The following SEC14L6 variants were observed in gnomAD, a reference collection of about 807,000 sequenced individuals.
The protein encoded by SEC14L6 is SEC14-like protein 6.
In SEC14L6, 40 loss-of-function variants were observed where a neutral mutation model predicts 54.1. That is an observed-to-expected ratio of 0.74 (90% confidence interval 0.57 to 0.96). The LOEUF (loss-of-function observed/expected upper bound fraction) is 0.96. Among genes scored for constraint, SEC14L6 ranks in the 40% least tolerant of loss-of-function variants. The pLI, the probability that SEC14L6 is intolerant of heterozygous loss-of-function variation, is 0.00. For synonymous variants in SEC14L6, 171 were observed against 198.4 expected (o/e 0.86, Z 1.16); for missense variants, 471 against 498.3 (o/e 0.95, Z 0.52).
rs866036817 is a variant in SEC14L6 at position 30,525,107 on chromosome 22, C to T, written c.1084G>A (p.Val362Ile). Residue 362 changes from valine to isoleucine, a missense_variant and splice_region_variant, in exon 12 of 12, where the codon GTC becomes ATC. Val to Ile is a conservative substitution (Grantham distance 29). Coordinates refer to ENST00000402034, the MANE Select transcript of SEC14L6 (RefSeq NM_001193336.4). ...ILTCLQAGSY[V>I]LRFYNTYSLV... ...CTGTAGGTGTTGTAAAACCTCAGGA[C>T]ATCTGCAGTGAGGGACAGACATTCA... The T allele has an allele frequency of 2.6e-6, 4 of 1,524,308 alleles. No homozygotes were observed. The highest frequency in any genetic ancestry group is 3.6e-6 in the Non-Finnish European group (4 of 1,123,234). 94.4% of individuals were successfully genotyped at this position (1,524,308 alleles called of 1,614,324 possible).
intron 1 of SEC14L6, chr22:30,542,969 T>C: frequency 6.2e-7 from 1 of 1,601,482 alleles, no homozygotes; most frequent in Non-Finnish European, 8.5e-7. Flanking sequence ...GACGTGGAGT[T>C]GAAGTCTGGA....
chr22:30,527,418 C>G (rs1936812063), intron 8 of SEC14L6, among the ~76,000 whole-genome samples: 1 of 151,860 alleles, frequency 6.6e-6, no homozygotes, highest in African/African-American at 2.4e-5. Context: ...ACATCATTTT[C>G]CATTATAAAA....
Position 30,528,599 on chromosome 22 carries a change from T to C in SEC14L6, c.664+488A>G, listed in dbSNP as rs141236221. 5.7e-3 allele frequency among the ~76,000 whole-genome samples: 860 copies of C among 151,652 alleles called. 8 individuals carry two copies. Among genetic ancestry groups the C allele is most frequent in the Middle Eastern group, 0.024 (7 of 292 alleles). ...CCACCATGCCTGGCTAATTTATTTATTTATTGTAGAGACAGGGTCTCATTA... is the reference window on the plus strand; with the variant it reads ...CCACCATGCCTGGCTAATTTATTTACTTATTGTAGAGACAGGGTCTCATTA... On this transcript the variant is annotated intron_variant, in intron 8 of 11. Coordinates refer to ENST00000402034, the MANE Select transcript of SEC14L6 (RefSeq NM_001193336.4).
chr22:30,540,367 C>CT (rs753718105), intron 1 of SEC14L6, among the ~76,000 whole-genome samples: 3,073 of 113,840 alleles, frequency 0.027, 65 homozygotes, highest in African/African-American at 0.072. Flanking sequence ...CTTTTTGTTC[C>CT]TTTTTTTTTT....
chr22:30,543,938 A>G, intron 1 of SEC14L6: 1 of 1,606,230 alleles, frequency 6.2e-7, no homozygotes, highest in South Asian at 1.1e-5. Flanking sequence ...GCCAGCATTC[A>G]GACCAGCCTG....
In SEC14L6 at chr22:30,524,926, G is replaced by T; in HGVS notation, c.*71C>A. 8 of 808,678 alleles carry T rather than the reference G, an allele frequency of 9.9e-6. No homozygotes were observed. In the South Asian group the frequency reaches 1.2e-4, roughly 12 times the overall value. The allele number at this position is 808,678 out of a possible 1,614,324, so 50.1% of individuals were successfully genotyped here. ...TTCCTGAGAGGTTGAACAGGGTCTGGCCAGGGAAGGCTGTGAACTCATTGT... is the reference window on the plus strand; with the variant it reads ...TTCCTGAGAGGTTGAACAGGGTCTGTCCAGGGAAGGCTGTGAACTCATTGT... On this transcript the variant is annotated 3_prime_UTR_variant, in exon 12 of 12. Coordinates refer to ENST00000402034, the MANE Select transcript of SEC14L6 (RefSeq NM_001193336.4).
intron 6 of SEC14L6, among the ~76,000 whole-genome samples, chr22:30,530,141 G>T (rs566627530): frequency 6.6e-6 from 1 of 152,082 alleles, no homozygotes; most frequent in African/African-American, 2.4e-5. Context: ...CGGGCGTGGT[G>T]GCTCACGCCT....
chr22:30,540,589 G>A (rs765344844), intron 1 of SEC14L6, among the ~76,000 whole-genome samples: 14 of 151,674 alleles, frequency 9.2e-5, no homozygotes, highest in Non-Finnish European at 2.1e-4. Context: ...GGTGGCGCAC[G>A]CCTGTAGTCC....
At position 30,530,240 on chromosome 22, in the gene SEC14L6, T is replaced by C. The variant is rs534102652; in HGVS notation, c.520-891A>G. On this transcript the variant is annotated intron_variant, in intron 6 of 11. Transcript: ENST00000402034. ...GGCAGGGCAACATGGTGAAACCCCC[T>C]CCCTACTAAAAATACAAAAATTAGT... Among the ~76,000 whole-genome samples, 42 of 152,048 alleles carry C rather than the reference T, an allele frequency of 2.8e-4. 1 individual carries two copies. The highest frequency in any genetic ancestry group is 2.4e-3 in the Admixed American group (37 of 15,272).
chr22:30,525,303 C>T, intron 11 of SEC14L6, 47 bp downstream of exon 11: 1 of 1,590,876 alleles, frequency 6.3e-7, no homozygotes, highest in Non-Finnish European at 8.6e-7. Flanking sequence ...GTAGCACCCT[C>T]CCCCTAGCCC....
In SEC14L6 at chr22:30,540,367, CTTT is replaced by C. The variant is rs753718105; in HGVS notation, c.55-1468_55-1466del. Among the ~76,000 whole-genome samples, 376 of 114,038 alleles carry C rather than the reference CTTT, an allele frequency of 3.3e-3. 3 individuals are homozygous for C. Among genetic ancestry groups the C allele is most frequent in the African/African-American group, 0.012 (322 of 27,638 alleles). 74.8% of individuals were successfully genotyped at this position (114,038 alleles called of 152,430 possible). A position where few individuals can be genotyped will look rare whatever the true frequency, so the allele number is the denominator to read the frequency against. On this transcript the variant is annotated intron_variant, in intron 1 of 11. Coordinates refer to ENST00000402034, the MANE Select transcript of SEC14L6 (RefSeq NM_001193336.4). ...AGAACACTGCCCCTCCTTTTTGTTC[CTTT>C]TTTTTTTTTTTTTTTTTTTTGAGTA...
At chr22:30,545,821 GTTTTGTTTTTGT>G (rs1012468785) in intron 1 of SEC14L6, among the ~76,000 whole-genome samples, 1 of 150,968 alleles carries the variant, frequency 6.6e-6, no homozygotes. Context: ...GTTTTGTTTT[GTTTTGTTTTTGT>G]TTTTGTTTTG....
At position 30,525,484 on chromosome 22, in the gene SEC14L6, A is replaced by G. The variant is rs765995692; in HGVS notation, c.947T>C (p.Phe316Ser). 3 of 1,613,906 alleles carry G rather than the reference A, an allele frequency of 1.9e-6. No homozygotes were observed. The East Asian group carries it at 6.7e-5, about 36-fold the overall frequency. The change falls in exon 11 of 12, where the codon TTT becomes TCT. Residue 316 changes from phenylalanine (F) to serine (S), a missense_variant. By Grantham distance (155) the Phe-to-Ser change is radical. Coordinates refer to ENST00000402034, the MANE Select transcript of SEC14L6 (RefSeq NM_001193336.4). ...CATCTTGGTCTTCAGGAAAACCCCA[A>G]AGCCAATGTCCCCACCATCTGAAGC... is the stretch of plus-strand genomic sequence containing the variant. ...QFASDGGDIG[F>S]GVFLKTKMGE...
chr22:30,541,450 G>C (rs2085708662), intron 1 of SEC14L6, among the ~76,000 whole-genome samples: 1 of 152,226 alleles, frequency 6.6e-6, no homozygotes, highest in Admixed American at 6.5e-5. Flanking sequence ...CTTGAGGCCA[G>C]GAGTTCGAGA....
chr22:30,540,162 C>T (rs983777148), intron 1 of SEC14L6, among the ~76,000 whole-genome samples: 1 of 152,162 alleles, frequency 6.6e-6, no homozygotes, highest in African/African-American at 2.4e-5. Context: ...TTGGGCTAAG[C>T]CTTAAATGAA....
Position 30,525,760 on chromosome 22 carries a change from A to G in SEC14L6, c.772-10T>C. The G allele has an allele frequency of 6.2e-7, 1 of 1,613,826 alleles. No individual in the cohort carries two copies. ...CACCCCCGTAGTTGATCTGTGGGTG[A>G]AGGGGGTGTGTGGGCACTAGGTCAC... On this transcript the variant is annotated splice_polypyrimidine_tract_variant and intron_variant, in intron 9 of 11. Transcript: ENST00000402034.
chr22:30,543,512 G>C, intron 1 of SEC14L6: 2 of 1,613,074 alleles, frequency 1.2e-6, no homozygotes, highest in Non-Finnish European at 1.7e-6. Context: ...TGGATGAGCT[G>C]GCTCCTGGTG....
chr22:30,528,422 C>CTTTTTTTTTTTTTT lies in SEC14L6; in HGVS notation c.664+651_664+664dup, dbSNP rs375073961. ...AGGCGTGAACCACCGCGCTCGGCCTCTTTTTTTTTTTTTTTTTTTGAGATA... is the reference window on the plus strand; with the variant it reads ...AGGCGTGAACCACCGCGCTCGGCCTCTTTTTTTTTTTTTTTTTTTTTTTTTTTTTTTTTGAGATA... On this transcript the variant is annotated intron_variant, in intron 8 of 11. Coordinates refer to ENST00000402034, the MANE Select transcript of SEC14L6 (RefSeq NM_001193336.4). Among the ~76,000 whole-genome samples the CTTTTTTTTTTTTTT allele has an allele frequency of 1.1e-3, 113 of 105,504 alleles. 4 individuals carry two copies. The highest frequency in any genetic ancestry group is 3.7e-3 in the African/African-American group (94 of 25,088). The allele number at this position is 105,504 out of a possible 152,430, so 69.2% of individuals were successfully genotyped here.
At position 30,525,783 on chromosome 22, in the gene SEC14L6, C is replaced by T. The variant is rs775146436; in HGVS notation, c.772-33G>A. 11 of 1,613,712 alleles carry T rather than the reference C, an allele frequency of 6.8e-6. No individual in the cohort carries two copies. In the East Asian group the frequency reaches 2.5e-4, roughly 36 times the overall value. ...TGAAGGGGGTGTGTGGGCACTAGGTCACAGCTTCTCCCCTCCTTCCCCATC... is the reference window on the plus strand; with the variant it reads ...TGAAGGGGGTGTGTGGGCACTAGGTTACAGCTTCTCCCCTCCTTCCCCATC... On this transcript the variant is annotated intron_variant, in intron 9 of 11. Transcript: ENST00000402034.
Sources: gnomAD v4.1 joint callset for allele counts (sites outside exome capture counted in the v4.1 genomes callset) on GRCh38, gnomAD v4.1.1 for gene constraint, MANE v1.5 for transcripts, NCBI Gene and HGNC (gene_info 2026-07-23, HGNC 2026-07-21) for gene names.